ASMT: variants seen among roughly 807,000 people sequenced by gnomAD.
ASMT encodes the protein acetylserotonin N-methyltransferase.
Under a neutral mutation model 41.3 loss-of-function variants are expected in ASMT, and 53 were observed. The ratio of observed to expected loss-of-function variants is 1.28; its 90% CI spans 1.03 to 1.61. The LOEUF is 1.61. ASMT is among the 40% of genes most tolerant of loss of function. The pLI, the probability that ASMT is intolerant of heterozygous loss-of-function variation, is 0.00. For synonymous variants in ASMT, 231 were observed against 184.8 expected, an observed-to-expected ratio of 1.25 and a Z score of -2.03; for missense variants, 531 against 441.3, an observed-to-expected ratio of 1.20 and a Z score of -1.82.
At position 1,629,936 on chromosome X, in the gene ASMT, G is replaced by A. The variant is rs1156826935; in HGVS notation, c.559G>A (p.Gly187Ser). Reference sequence around the variant, plus strand: ...AGTGTTCCCACTTATGTGTGACCTTGGTGGTAAGTACCCCTCACCACTAAT... The same window carrying A: ...AGTGTTCCCACTTATGTGTGACCTTAGTGGTAAGTACCCCTCACCACTAAT... The part of the protein sequence containing the change: ...LSVFPLMCDL[G>S]GTWIKLETII... The change falls in exon 5 of 9, where the codon GGT (glycine) becomes AGT (serine). Residue 187 changes from glycine to serine, a missense_variant. Physicochemically the swap from Gly to Ser is moderately conservative, Grantham distance 56. Transcript: ENST00000381241. The A allele has an allele frequency of 1.9e-6, 3 of 1,612,934 alleles. No individual in the cohort carries two copies. The Admixed American group carries it at 5.0e-5, about 27-fold the overall frequency.
chrX:1,630,426 C>G (rs1287285197), intron 5 of ASMT, among the ~76,000 whole-genome samples: 1 of 151,904 alleles, frequency 6.6e-6, no homozygotes, highest in African/African-American at 2.4e-5. Context: ...CTGCCCCAGC[C>G]TCCCGAGTAG....
intron 4 of ASMT, 164 bp downstream of exon 4, chrX:1,627,935 C>CGA (rs765233470): frequency 0.19 from 140,186 of 731,366 alleles, 15,727 homozygotes; most frequent in African/African-American, 0.37. Flanking sequence ...AGATTTTGCT[C>CGA]ATCTGATGTT....
intron 3 of ASMT, among the ~76,000 whole-genome samples, chrX:1,625,883 A>G (rs1435395536): frequency 7.2e-6 from 1 of 139,412 alleles, no homozygotes; most frequent in Non-Finnish European, 1.5e-5. Flanking sequence ...TGAACCCGGG[A>G]GGCGGAGGTT....
In ASMT at chrX:1,633,236, A is replaced by T. The variant is rs1934843646; in HGVS notation, c.733A>T (p.Thr245Ser). The T allele has an allele frequency of 1.9e-6, 3 of 1,613,868 alleles. No individual in the cohort carries two copies. The highest frequency in any genetic ancestry group is 2.5e-6 in the Non-Finnish European group (3 of 1,179,836). ...TTTTGACATCCCAGAAGTGGTGTGG[A>T]CGGCAAAGCAGCACTTCTCATTCCA... ...TVFDIPEVVW[T>S]AKQHFSFQEE... Residue 245 changes from threonine to serine, a missense_variant, in exon 7 of 9, where the codon ACG (threonine) becomes TCG (serine). By Grantham distance (58) the Thr-to-Ser change is moderately conservative. Coordinates refer to ENST00000381241, the MANE Select transcript of ASMT (RefSeq NM_001171038.2).
chrX:1,616,616 T>C (rs1934123107), intron 1 of ASMT, among the ~76,000 whole-genome samples: 1 of 151,402 alleles, frequency 6.6e-6, no homozygotes, highest in Non-Finnish European at 1.5e-5. Context: ...ACACCTGTCA[T>C]CCCAACGGTT....
chrX:1,619,874 G>T (rs1223626139), intron 1 of ASMT, among the ~76,000 whole-genome samples: 2 of 150,834 alleles, frequency 1.3e-5, no homozygotes, highest in Non-Finnish European at 3.0e-5. Context: ...GGTGGATCAG[G>T]AGGTCAGGAG....
At chrX:1,633,656 T>TTTTTTTA in intron 7 of ASMT, among the ~76,000 whole-genome samples, 1 of 151,174 alleles carries the variant, frequency 6.6e-6, no homozygotes. Context: ...TTTTTTTTTT[T>TTTTTTTA]TGAGATGGAG....
In ASMT at chrX:1,624,479, C is replaced by T. The variant is rs867658528; in HGVS notation, c.374+81C>T. 7.8e-4 allele frequency: 1,133 copies of T among 1,457,698 alleles called. 23 individuals are homozygous for T. The African/African-American group carries it at 0.014, about 19-fold the overall frequency. The allele number at this position is 1,457,698 out of a possible 1,614,324, so 90.3% of individuals were successfully genotyped here. Reference sequence around the variant, plus strand: ...CTGGGAGGTGGGGGCTGCCCCCAGGCAGATGCTGGGAGGTGGTGGCTGACC... The same window carrying T: ...CTGGGAGGTGGGGGCTGCCCCCAGGTAGATGCTGGGAGGTGGTGGCTGACC... On this transcript the variant is annotated intron_variant, in intron 3 of 8. Coordinates refer to ENST00000381241, the MANE Select transcript of ASMT (RefSeq NM_001171038.2).
intron 5 of ASMT, 53 bp downstream of exon 5, chrX:1,629,992 G>C (rs200984432): frequency 3.1e-5 from 44 of 1,412,846 alleles, no homozygotes; most frequent in Non-Finnish European, 4.1e-5. Flanking sequence ...GTTCTGTATG[G>C]GGAATGTGTT....
At chrX:1,640,610 C>CTGTGTG (rs1365464184) in intron 8 of ASMT, among the ~76,000 whole-genome samples, 2 of 28,270 alleles carry the variant, frequency 7.1e-5, no homozygotes, top group Non-Finnish European at 5.9e-5. Context: ...GGCACAGCCT[C>CTGTGTG]TGTGTGTGAG....
intron 7 of ASMT, among the ~76,000 whole-genome samples, chrX:1,633,932 C>G (rs1192091138): frequency 6.7e-6 from 1 of 150,172 alleles, no homozygotes; most frequent in Admixed American, 6.6e-5. Context: ...ACCATCACAC[C>G]CGGCCTCTTT....
At chrX:1,616,050 C>T (rs1331069064) in intron 1 of ASMT, among the ~76,000 whole-genome samples, 1 of 151,504 alleles carries the variant, frequency 6.6e-6, no homozygotes, top group Non-Finnish European at 1.5e-5. Flanking sequence ...TTTTTTTGAG[C>T]TGGAGTCTCA....
Position 1,633,159 on chromosome X carries a change from G to C in ASMT, c.656G>C (p.Gly219Ala), listed in dbSNP as rs767307366. 2.7e-5 allele frequency: 44 copies of C among 1,613,880 alleles called. 1 individual carries two copies. In the South Asian group the frequency reaches 4.5e-4, roughly 17 times the overall value. The change falls in exon 7 of 9, where the codon GGA becomes GCA. Residue 219 changes from glycine to alanine, a missense_variant. Transcript: ENST00000381241. ...CTGTGTCCCCTTCCAGGTGGGGCTG[G>C]AGCTCTGGCTAAGGAATGCATGTCT... ...HRVFSLIGGA[G>A]ALAKECMSLY...
chrX:1,616,873 T>C (rs1294168785), intron 1 of ASMT, among the ~76,000 whole-genome samples: 1 of 151,748 alleles, frequency 6.6e-6, no homozygotes, highest in Non-Finnish European at 1.5e-5. Context: ...CACGCCCGGC[T>C]AATTTTTTGT....
chrX:1,628,727 C>G (rs1256570060), intron 4 of ASMT, among the ~76,000 whole-genome samples: 1 of 151,220 alleles, frequency 6.6e-6, no homozygotes, highest in Non-Finnish European at 1.5e-5. Context: ...CCTCCTCTCT[C>G]CCATCTTCCC....
At chrX:1,640,629 C>T (rs762857979) in intron 8 of ASMT, among the ~76,000 whole-genome samples, 368 of 5,616 alleles carry the variant, frequency 0.066, no homozygotes, top group South Asian at 0.21. Flanking sequence ...AGATAGGGAC[C>T]ATGTCCCAGC....
chrX:1,635,224 T>C (rs1370916330), intron 7 of ASMT, among the ~76,000 whole-genome samples: 20 of 148,748 alleles, frequency 1.3e-4, no homozygotes, highest in African/African-American at 5.0e-4. Context: ...GATCTCGTGA[T>C]CTGCCCCGCT....
intron 1 of ASMT, 178 bp from the exon 2 acceptor site, chrX:1,622,961 G>A (rs1934388451): frequency 6.3e-6 from 1 of 159,668 alleles, no homozygotes; most frequent in Admixed American, 6.6e-5. Flanking sequence ...AAATATGACT[G>A]TTTTCCATAG....
rs1457094380 is a variant in ASMT, at chrX:1,630,917, A to AT, written c.562+989dup. On this transcript the variant is annotated intron_variant, in intron 5 of 8. Transcript: ENST00000381241. Reference sequence around the variant, plus strand: ...TTTATTTACTTGTATTTATTTATTTATTTTTTTTTTTGAGATGGAGTCTTG... The same window carrying AT: ...TTTATTTACTTGTATTTATTTATTTATTTTTTTTTTTTGAGATGGAGTCTTG... 6.2e-3 allele frequency among the ~76,000 whole-genome samples: 865 copies of AT among 138,878 alleles called. 15 individuals carry two copies. The highest frequency in any genetic ancestry group is 0.021 in the African/African-American group (803 of 37,506). 91.1% of individuals were successfully genotyped at this position (138,878 alleles called of 152,430 possible).
Sources: gnomAD v4.1 joint callset for allele counts (sites outside exome capture counted in the v4.1 genomes callset) on GRCh38, gnomAD v4.1.1 for gene constraint, MANE v1.5 for transcripts, NCBI Gene and HGNC (gene_info 2026-07-23, HGNC 2026-07-21) for gene names.